The following TENM2 variants were observed in gnomAD, a reference collection of about 807,000 sequenced individuals.
TENM2 encodes the protein teneurin transmembrane protein 2.
In TENM2, 52 loss-of-function variants were observed where a neutral mutation model predicts 245.2. The ratio of observed to expected loss-of-function variants is 0.21; its 90% CI spans 0.17 to 0.27. The LOEUF (loss-of-function observed/expected upper bound fraction) is 0.27. Among genes scored for constraint, TENM2 ranks in the 10% least tolerant of loss-of-function variants. The pLI is 1.00. For missense variants in TENM2, 3,046 were observed against 3,666.8 expected, an observed-to-expected ratio of 0.83 and a Z score of 4.37; for synonymous variants, 1,363 against 1,438.9, an observed-to-expected ratio of 0.95 and a Z score of 1.19.
At chr5:167,136,581 A>T in the TENM2 span, among the ~76,000 whole-genome samples, 1 of 152,162 alleles carries the variant, frequency 6.6e-6, no homozygotes, top group Non-Finnish European at 1.5e-5. Context: ...ATTAAATTAC[A>T]TTTTGATCCA....
Position 167,635,683 on chromosome 5 carries a change from C to T in TENM2, c.503-240303C>T, listed in dbSNP as rs1329224645. Among the ~76,000 whole-genome samples the T allele has an allele frequency of 4.8e-5, 5 of 105,136 alleles. No homozygotes were observed. In the East Asian group the frequency reaches 1.9e-3, roughly 41 times the overall value. The allele number at this position is 105,136 out of a possible 152,430, so 69.0% of individuals were successfully genotyped here. On this transcript the variant is annotated intron_variant, in intron 2 of 28. Transcript: ENST00000518659. ...TTTTTGAGACGGAGTCTCGCTCTGT[C>T]GCCCAGGATGGAGTGCAATGGCGCT...
intron 1 of TENM2, among the ~76,000 whole-genome samples, chr5:167,344,162 TTATA>T (rs1194796502): frequency 6.7e-6 from 1 of 148,492 alleles, no homozygotes; most frequent in Non-Finnish European, 1.5e-5. Context: ...TATATGTATT[TTATA>T]TATATATAAA....
At chr5:167,147,163 A>G in the TENM2 span, among the ~76,000 whole-genome samples, 1 of 152,180 alleles carries the variant, frequency 6.6e-6, no homozygotes, top group African/African-American at 2.4e-5. Flanking sequence ...AACTAGGCAT[A>G]GTGCTTAAAA....
At chr5:167,466,560 T>G (rs937656600) in intron 2 of TENM2, among the ~76,000 whole-genome samples, 2 of 152,220 alleles carry the variant, frequency 1.3e-5, no homozygotes, top group Non-Finnish European at 2.9e-5. Flanking sequence ...TAACATCTTT[T>G]GAGGAATATA....
At chr5:166,998,599 C>A in the TENM2 span, among the ~76,000 whole-genome samples, 1 of 152,246 alleles carries the variant, frequency 6.6e-6, no homozygotes, top group Non-Finnish European at 1.5e-5. Context: ...TATCTAGTTT[C>A]TTCTACAAAA....
At chr5:167,675,951 A>C (rs1327074764) in intron 2 of TENM2, among the ~76,000 whole-genome samples, 2 of 152,036 alleles carry the variant, frequency 1.3e-5, no homozygotes, top group Non-Finnish European at 2.9e-5. Flanking sequence ...ATGAATGTCA[A>C]AGATCAGTCT....
At chr5:167,012,862 AT>A in the TENM2 span, among the ~76,000 whole-genome samples, 63,510 of 150,416 alleles carry the variant, frequency 0.42, 13,569 homozygotes, top group Middle Eastern at 0.46. Context: ...GTGTGTGTGT[AT>A]TTTTTTTTTA....
intron 2 of TENM2, among the ~76,000 whole-genome samples, chr5:167,870,424 T>A (rs1467549357): frequency 1.3e-5 from 2 of 152,042 alleles, no homozygotes; most frequent in African/African-American, 4.8e-5. Context: ...AAATCCCAGC[T>A]GTGCTCCCTG....
intron 3 of TENM2, among the ~76,000 whole-genome samples, chr5:167,936,932 A>C (rs1007852350): frequency 6.6e-6 from 1 of 152,198 alleles, no homozygotes; most frequent in Non-Finnish European, 1.5e-5. Flanking sequence ...TCAGCATGGT[A>C]CCTTTGCAAT....
At chr5:167,838,542 C>G (rs1266779355) in intron 2 of TENM2, among the ~76,000 whole-genome samples, 1 of 152,160 alleles carries the variant, frequency 6.6e-6, no homozygotes, top group Admixed American at 6.5e-5. Flanking sequence ...ATAAAAATAG[C>G]AACAGTTAGT....
chr5:167,561,799 A>G (rs1291231861), intron 2 of TENM2, among the ~76,000 whole-genome samples: 1 of 152,094 alleles, frequency 6.6e-6, no homozygotes, highest in African/African-American at 2.4e-5. Flanking sequence ...AGCTAAAGGA[A>G]TTTTTTTTAA....
chr5:167,983,448 T>C (rs1027223254), intron 4 of TENM2, among the ~76,000 whole-genome samples: 1 of 152,226 alleles, frequency 6.6e-6, no homozygotes, highest in Non-Finnish European at 1.5e-5. Flanking sequence ...GTGAATATTT[T>C]TGGTACGGCT....
chr5:167,704,424 C>T (rs186294901), intron 2 of TENM2, among the ~76,000 whole-genome samples: 3 of 152,262 alleles, frequency 2.0e-5, no homozygotes, highest in East Asian at 1.9e-4. Flanking sequence ...TTAATACAAA[C>T]GCGTAAGACC....
the TENM2 span, among the ~76,000 whole-genome samples, chr5:167,223,275 T>G: frequency 2.0e-5 from 3 of 152,212 alleles, no homozygotes; most frequent in African/African-American, 7.2e-5. Flanking sequence ...TTAGAACTTT[T>G]ATTCCTTCTA....
the TENM2 span, among the ~76,000 whole-genome samples, chr5:167,023,212 C>G: frequency 7.2e-5 from 11 of 152,178 alleles, no homozygotes; most frequent in Non-Finnish European, 1.0e-4. Flanking sequence ...TACTTGCATT[C>G]CCTTGCAACT....
intron 2 of TENM2, among the ~76,000 whole-genome samples, chr5:167,859,406 GC>G (rs1771466817): frequency 6.8e-6 from 1 of 147,468 alleles, no homozygotes; most frequent in African/African-American, 2.5e-5. Context: ...CGCCCGGCCA[GC>G]CGCCCCGTCC....
intron 2 of TENM2, among the ~76,000 whole-genome samples, chr5:167,690,110 T>A (rs949886473): frequency 1.3e-5 from 2 of 149,842 alleles, no homozygotes; most frequent in Non-Finnish European, 3.0e-5. Flanking sequence ...ACTTTTTTTT[T>A]TTTTTTTTTT....
intron 25 of TENM2, among the ~76,000 whole-genome samples, chr5:168,228,477 G>GTCT (rs1222779071): frequency 1.5e-5 from 2 of 129,384 alleles, no homozygotes; most frequent in Admixed American, 1.5e-4. Flanking sequence ...CACACTTGCT[G>GTCT]TCTTCTTCTT....
chr5:167,813,387 G>GCACACACA (rs142804283), intron 2 of TENM2, among the ~76,000 whole-genome samples: 30 of 145,518 alleles, frequency 2.1e-4, no homozygotes, highest in African/African-American at 6.0e-4. Flanking sequence ...TACAAGTTCT[G>GCACACACA]CACACACACA....
Sources: gnomAD v4.1 joint callset for allele counts (sites outside exome capture counted in the v4.1 genomes callset) on GRCh38, gnomAD v4.1.1 for gene constraint, MANE v1.5 for transcripts, NCBI Gene and HGNC (gene_info 2026-07-23, HGNC 2026-07-21) for gene names.